The following TYW1 variants were observed in gnomAD, a reference collection of about 807,000 sequenced individuals.
TYW1 encodes the protein tRNA-yW synthesizing protein 1 homolog.
Under a neutral mutation model 96.2 loss-of-function variants are expected in TYW1, and 46 were observed. That is an observed-to-expected ratio of 0.48 (90% CI 0.38 to 0.61). TYW1 has a LOEUF of 0.61. Among genes scored for constraint, TYW1 ranks in the 20% least tolerant of loss-of-function variants. The probability of loss-of-function intolerance (pLI) is 0.00; values close to 1 mark genes in which losing one functional copy is unlikely to be tolerated. For synonymous variants in TYW1, 274 were observed against 323.0 expected, an observed-to-expected ratio of 0.85 and a Z score of 1.63; for missense variants, 684 against 909.6, an observed-to-expected ratio of 0.75 and a Z score of 3.19.
At chr7:67,177,001 C>T (rs1799693407) in intron 13 of TYW1, among the ~76,000 whole-genome samples, 3 of 152,054 alleles carry the variant, frequency 2.0e-5, no homozygotes, top group South Asian at 2.1e-4. Context: ...GGTTGAGAAC[C>T]GTCTCTATTG....
In TYW1 at chr7:67,078,723, C is replaced by T. The variant is rs545163930; in HGVS notation, c.1275-4707C>T. ...TTCTTTTTTCTTTGAGACAGAGTCT[C>T]GCTCTGTCACCCAGGCTGGAGTGCA... On this transcript the variant is annotated intron_variant, in intron 10 of 15. Coordinates refer to ENST00000359626, the MANE Select transcript of TYW1 (RefSeq NM_018264.4). 6.6e-5 allele frequency among the ~76,000 whole-genome samples: 10 copies of T among 152,064 alleles called. No individual in the cohort carries two copies. In the South Asian group the frequency reaches 8.3e-4, roughly 13 times the overall value.
intron 11 of TYW1, chr7:67,089,597 C>T (rs191488265): frequency 0.015 from 8,068 of 528,900 alleles, 92 homozygotes; most frequent in Non-Finnish European, 0.02. Context: ...AAAGGTGGAA[C>T]TGGCTGTGGG....
chr7:67,113,625 CTTTCTT>C (rs1797496928), intron 12 of TYW1, among the ~76,000 whole-genome samples: 3 of 150,886 alleles, frequency 2.0e-5, no homozygotes, highest in South Asian at 2.1e-4. Context: ...TTCTTTCTTT[CTTTCTT>C]TTTCTTTTTC....
At chr7:66,998,017 T>C (rs1408749088) in intron 1 of TYW1, 48 bp from the exon 2 acceptor site, 1 of 1,527,084 alleles carries the variant, frequency 6.5e-7, no homozygotes, top group African/African-American at 1.4e-5. Flanking sequence ...ATGGATATCT[T>C]TGTATATGTA....
intron 13 of TYW1, among the ~76,000 whole-genome samples, chr7:67,137,366 A>T (rs1368509973): frequency 6.6e-6 from 1 of 152,048 alleles, no homozygotes; most frequent in Non-Finnish European, 1.5e-5. Context: ...CTGTAATCTC[A>T]GCACTTTGGG....
intron 7 of TYW1, among the ~76,000 whole-genome samples, chr7:67,031,915 C>T (rs966571007): frequency 3.3e-5 from 5 of 152,196 alleles, no homozygotes; most frequent in African/African-American, 1.2e-4. Flanking sequence ...TGATGTATAG[C>T]AAGACACATA....
chr7:67,237,699 C>T (rs11973219), intron 15 of TYW1, among the ~76,000 whole-genome samples: 1,762 of 151,454 alleles, frequency 0.012, 39 homozygotes, highest in African/African-American at 0.041. Context: ...GTCATTATTC[C>T]ACCGTGACTT....
At chr7:67,047,256 C>G (rs1054262540) in intron 7 of TYW1, among the ~76,000 whole-genome samples, 3 of 152,102 alleles carry the variant, frequency 2.0e-5, no homozygotes, top group Non-Finnish European at 2.9e-5. Flanking sequence ...CACACCTTTG[C>G]TTTTAGATTA....
At chr7:67,049,238 C>T (rs540973049) in intron 7 of TYW1, among the ~76,000 whole-genome samples, 3 of 152,276 alleles carry the variant, frequency 2.0e-5, no homozygotes, top group Admixed American at 2.0e-4. Flanking sequence ...CATATTTCTT[C>T]TCTATTGCTA....
chr7:67,186,382 A>G (rs553674712), intron 14 of TYW1, among the ~76,000 whole-genome samples: 1 of 151,840 alleles, frequency 6.6e-6, no homozygotes, highest in East Asian at 1.9e-4. Context: ...AAAGAATGAC[A>G]GCTACTTGGT....
intron 8 of TYW1, 82 bp downstream of exon 8, chr7:67,050,148 A>T: frequency 6.7e-7 from 1 of 1,501,762 alleles, no homozygotes; most frequent in Admixed American, 1.8e-5. Context: ...TCTCTCTCTA[A>T]TTAGCTCAGC....
At chr7:67,071,694 C>T (rs1236146086) in intron 10 of TYW1, among the ~76,000 whole-genome samples, 2 of 152,092 alleles carry the variant, frequency 1.3e-5, no homozygotes, top group Non-Finnish European at 2.9e-5. Flanking sequence ...AATCTCAGCT[C>T]ACTGCAAGCT....
At position 67,239,377 on chromosome 7, in the gene TYW1, T is replaced by A; in HGVS notation, c.*848T>A. Reference sequence around the variant, plus strand: ...TTCACTCCTGTGGCCCTGGCTGCTTTACACAATCTGTTCTATAAGGTTCAG... The same window carrying A: ...TTCACTCCTGTGGCCCTGGCTGCTTAACACAATCTGTTCTATAAGGTTCAG... On this transcript the variant is annotated 3_prime_UTR_variant, in exon 16 of 16. Transcript: ENST00000359626. The A allele has an allele frequency of 2.0e-6, 2 of 985,122 alleles. No individual in the cohort carries two copies. Among genetic ancestry groups the A allele is most frequent in the Non-Finnish European group, 2.4e-6 (2 of 829,636 alleles). 61.0% of individuals were successfully genotyped at this position (985,122 alleles called of 1,614,324 possible).
intron 9 of TYW1, among the ~76,000 whole-genome samples, chr7:67,062,169 G>A (rs1795713418): frequency 6.6e-6 from 1 of 152,072 alleles, no homozygotes; most frequent in African/African-American, 2.4e-5. Context: ...CCAGCACTTC[G>A]GGAGGCTGAG....
chr7:67,090,556 T>A (rs1056822144), intron 11 of TYW1, among the ~76,000 whole-genome samples: 8 of 152,142 alleles, frequency 5.3e-5, no homozygotes, highest in South Asian at 2.1e-4. Context: ...AGGAAGGTGT[T>A]CAGAATAAGA....
At chr7:67,145,108 A>G (rs111370108) in intron 13 of TYW1, among the ~76,000 whole-genome samples, 107 of 146,864 alleles carry the variant, frequency 7.3e-4, no homozygotes, top group African/African-American at 2.6e-3. Context: ...AGACCAATAC[A>G]ATGGCTATTG....
At chr7:67,086,234 C>T (rs1460580704) in intron 11 of TYW1, among the ~76,000 whole-genome samples, 1 of 152,168 alleles carries the variant, frequency 6.6e-6, no homozygotes, top group Admixed American at 6.5e-5. Flanking sequence ...TTAAATGAAA[C>T]TGTTGGTAAA....
rs374124682 is a variant in TYW1 at position 67,238,551 on chromosome 7, T to C, written c.*22T>C. 3.5e-5 allele frequency: 56 copies of C among 1,602,600 alleles called. No homozygotes were observed. Among genetic ancestry groups the C allele is most frequent in the Non-Finnish European group, 4.7e-5 (55 of 1,174,768 alleles). On this transcript the variant is annotated 3_prime_UTR_variant, in exon 16 of 16. Coordinates refer to ENST00000359626, the MANE Select transcript of TYW1 (RefSeq NM_018264.4). ...TTGAGATTATCTGATTTCAAGGTAC[T>C]GAAGGACAAAAACTTGGATGGCCTC...
intron 15 of TYW1, among the ~76,000 whole-genome samples, chr7:67,203,499 A>C (rs1800668858): frequency 6.6e-6 from 1 of 152,228 alleles, no homozygotes; most frequent in African/African-American, 2.4e-5. Context: ...AATATATCAC[A>C]GTCTACTGGT....
Sources: allele counts gnomAD v4.1 joint callset (sites outside exome capture counted in the v4.1 genomes callset), GRCh38; gene constraint gnomAD v4.1.1; transcripts MANE v1.5; gene names NCBI Gene and HGNC (gene_info 2026-07-23, HGNC 2026-07-21).